The following CCSER2 variants were observed in gnomAD, a reference collection of about 807,000 sequenced individuals.
The protein encoded by CCSER2 is coiled-coil serine rich protein 2.
CCSER2 carries 46 observed loss-of-function variants against 92.3 expected under a neutral mutation model. That is an observed-to-expected ratio of 0.50 (90% confidence interval 0.39 to 0.64). CCSER2 has a LOEUF of 0.64. CCSER2 is among the 30% of genes least tolerant of loss of function. The pLI is 0.00. For missense variants in CCSER2, 1,244 were observed against 1,238.9 expected (o/e 1.00, Z -0.06); for synonymous variants, 433 against 431.4 (o/e 1.00, Z -0.04).
chr10:84,467,460 ATATGTGTGTG>A (rs1352542905), intron 7 of CCSER2, among the ~76,000 whole-genome samples: 3 of 151,982 alleles, frequency 2.0e-5, no homozygotes, highest in Non-Finnish European at 4.4e-5. Context: ...CACCCCCCAC[ATATGTGTGTG>A]TATGTGTGTG....
chr10:84,491,253 ACT>A (rs1188130231), intron 9 of CCSER2, among the ~76,000 whole-genome samples: 1 of 151,950 alleles, frequency 6.6e-6, no homozygotes. Context: ...GAGAACCACT[ACT>A]CTCTTCAAAG....
In CCSER2 at chr10:84,514,062, A is replaced by G; in HGVS notation, c.2939A>G (p.Lys980Arg). The change falls in exon 10 of 10, where the codon AAG (lysine) becomes AGG (arginine). Residue 980 changes from lysine (K) to arginine (R), a missense_variant. Lys to Arg is a conservative substitution (Grantham distance 26, BLOSUM62 2). Coordinates refer to ENST00000372088, the MANE Select transcript of CCSER2 (RefSeq NM_001284240.2). ...AATAATCAGAATCTGAAAGCATCTA[A>G]GCTCCGCCCCCCCTCAGGCTCTTTC... ...LANNQNLKASKLRPPSGSFKQ... is the reference protein window; with the variant it reads ...LANNQNLKASRLRPPSGSFKQ... The G allele has an allele frequency of 6.5e-7, 1 of 1,536,430 alleles. No individual in the cohort carries two copies. The highest frequency in any genetic ancestry group is 8.7e-7 in the Non-Finnish European group (1 of 1,146,976).
At chr10:84,392,305 A>C (rs1841566467) in intron 3 of CCSER2, among the ~76,000 whole-genome samples, 1 of 130,788 alleles carries the variant, frequency 7.6e-6, no homozygotes, top group Non-Finnish European at 1.6e-5. Flanking sequence ...TCTGCACTGG[A>C]TCTGAAGAAG....
chr10:84,375,126 T>TTAG (rs905266186), intron 3 of CCSER2, among the ~76,000 whole-genome samples: 1 of 152,150 alleles, frequency 6.6e-6, no homozygotes, highest in Non-Finnish European at 1.5e-5. Context: ...AATAAACCAC[T>TTAG]TAGTACCTGA....
At chr10:84,332,782 C>T (rs1262787907) in intron 1 of CCSER2, among the ~76,000 whole-genome samples, 2 of 151,650 alleles carry the variant, frequency 1.3e-5, no homozygotes, top group Non-Finnish European at 2.9e-5. Flanking sequence ...ATAGTGAGAC[C>T]CCCATCTCTA....
chr10:84,341,343 C>CTTTTTTT (rs35558044), intron 1 of CCSER2, among the ~76,000 whole-genome samples: 9 of 94,302 alleles, frequency 9.5e-5, no homozygotes, highest in African/African-American at 4.2e-4. Flanking sequence ...CTTTGTAACT[C>CTTTTTTT]TTTTTTTTTT....
intron 1 of CCSER2, among the ~76,000 whole-genome samples, chr10:84,361,450 T>G (rs1445393792): frequency 6.6e-6 from 1 of 152,180 alleles, no homozygotes; most frequent in African/African-American, 2.4e-5. Context: ...GGAGTGATAT[T>G]AATTGCAGCT....
chr10:84,429,345 C>G (rs56809248), intron 5 of CCSER2, among the ~76,000 whole-genome samples: 22,916 of 152,028 alleles, frequency 0.15, 1,849 homozygotes, highest in Admixed American at 0.24. Flanking sequence ...TCTAATTGTT[C>G]TGTCCATTAT....
At position 84,514,258 on chromosome 10, in the gene CCSER2, G is replaced by C; in HGVS notation, c.3135G>C (p.Lys1045Asn). 6.5e-7 allele frequency: 1 copy of C among 1,534,460 alleles called. No homozygotes were observed. Among genetic ancestry groups the C allele is most frequent in the African/African-American group, 1.4e-5 (1 of 73,058 alleles). ...SNRYSRLPKP[K>N]IH Reference sequence around the variant, plus strand: ...GATATTCTCGTCTTCCTAAACCAAAGATACATTAAGTACATAGCCATCACC... The same window carrying C: ...GATATTCTCGTCTTCCTAAACCAAACATACATTAAGTACATAGCCATCACC... Residue 1045 changes from lysine to asparagine, a missense_variant, in exon 10 of 10, where the codon AAG (lysine) becomes AAC (asparagine). Coordinates refer to ENST00000372088, the MANE Select transcript of CCSER2 (RefSeq NM_001284240.2).
intron 3 of CCSER2, among the ~76,000 whole-genome samples, chr10:84,382,875 A>G (rs909020575): frequency 3.3e-5 from 5 of 152,216 alleles, no homozygotes; most frequent in Admixed American, 6.5e-5. Context: ...ACTTACTTGT[A>G]TGCTTTTGAC....
chr10:84,408,180 A>C (rs962296233), intron 3 of CCSER2, among the ~76,000 whole-genome samples: 1 of 152,146 alleles, frequency 6.6e-6, no homozygotes, highest in Non-Finnish European at 1.5e-5. Context: ...AATTAAAAAC[A>C]TAAGTATGTG....
chr10:84,349,446 C>T (rs940648345), intron 1 of CCSER2, among the ~76,000 whole-genome samples: 10 of 151,686 alleles, frequency 6.6e-5, no homozygotes, highest in African/African-American at 2.4e-4. Flanking sequence ...GCAGGAGGGT[C>T]ACTTGAGCTC....
At chr10:84,392,175 A>G in intron 3 of CCSER2, 1 of 543,004 alleles carries the variant, frequency 1.8e-6, no homozygotes, top group Non-Finnish European at 3.3e-6. Context: ...AATACACTAC[A>G]ATCTCAACCC....
chr10:84,410,124 G>A (rs1015542499), intron 3 of CCSER2, among the ~76,000 whole-genome samples: 2 of 152,094 alleles, frequency 1.3e-5, no homozygotes, highest in African/African-American at 2.4e-5. Flanking sequence ...AGTATTCCAC[G>A]GTGTATATGT....
At chr10:84,467,076 G>T (rs1042702817) in intron 7 of CCSER2, among the ~76,000 whole-genome samples, 1 of 151,994 alleles carries the variant, frequency 6.6e-6, no homozygotes, top group African/African-American at 2.4e-5. Flanking sequence ...ACTTTTTCTT[G>T]ACTCCTTTTA....
At chr10:84,344,988 A>C (rs2133036554) in intron 1 of CCSER2, among the ~76,000 whole-genome samples, 1 of 152,374 alleles carries the variant, frequency 6.6e-6, no homozygotes, top group East Asian at 1.9e-4. Context: ...TACCTGGCAC[A>C]CAAGTACTTA....
At chr10:84,510,638 G>A (rs7905523) in intron 9 of CCSER2, among the ~76,000 whole-genome samples, 85,151 of 152,096 alleles carry the variant, frequency 0.56, 26,545 homozygotes, top group Non-Finnish European at 0.67. Flanking sequence ...AAGCAGCAGT[G>A]GATGTGAGCA....
intron 9 of CCSER2, among the ~76,000 whole-genome samples, chr10:84,509,901 A>G (rs1456311277): frequency 1.3e-5 from 2 of 152,152 alleles, no homozygotes; most frequent in African/African-American, 2.4e-5. Flanking sequence ...GTCCCCTTCA[A>G]ATCTTTTTCA....
intron 9 of CCSER2, among the ~76,000 whole-genome samples, chr10:84,500,635 G>C (rs1452979412): frequency 6.6e-6 from 1 of 151,942 alleles, no homozygotes; most frequent in Non-Finnish European, 1.5e-5. Context: ...AAACAGTGTG[G>C]GTTATTTTGT....
Sources: allele counts gnomAD v4.1 joint callset (sites outside exome capture counted in the v4.1 genomes callset), GRCh38; gene constraint gnomAD v4.1.1; transcripts MANE v1.5; gene names NCBI Gene and HGNC (gene_info 2026-07-23, HGNC 2026-07-21).